NEDD4L: variants seen among roughly 807,000 people sequenced by gnomAD.
The protein encoded by NEDD4L is E3 ubiquitin-protein ligase NEDD4-like.
Under a neutral mutation model 148.9 loss-of-function variants are expected in NEDD4L, and 54 were observed. The observed-to-expected ratio is 0.36, with a 90% CI of 0.29 to 0.45. The LOEUF is 0.45. NEDD4L is among the 20% of genes least tolerant of loss of function. The pLI, the probability that NEDD4L is intolerant of heterozygous loss-of-function variation, is 1.00. For missense variants in NEDD4L, 856 were observed against 1,233.8 expected (o/e 0.69, Z 4.59); for synonymous variants, 433 against 440.7 (o/e 0.98, Z 0.22).
intron 5 of NEDD4L, chr18:58,255,678 G>A (rs969172497): frequency 2.4e-6 from 3 of 1,232,254 alleles, no homozygotes; most frequent in Non-Finnish European, 3.0e-6. Flanking sequence ...GGCTCTGGTC[G>A]CAGCAACACA....
chr18:58,364,586 A>T (rs1032012596), intron 20 of NEDD4L, among the ~76,000 whole-genome samples: 1 of 152,248 alleles, frequency 6.6e-6, no homozygotes, highest in East Asian at 1.9e-4. Flanking sequence ...ACATAAAAAG[A>T]CAGGAATGAT....
intron 2 of NEDD4L, among the ~76,000 whole-genome samples, chr18:58,188,571 C>T (rs1041838400): frequency 2.0e-5 from 3 of 152,198 alleles, no homozygotes; most frequent in Non-Finnish European, 2.9e-5. Flanking sequence ...TCCAGTGTGC[C>T]GTGGGGCACG....
At chr18:58,297,087 A>AAAAT (rs779404285) in intron 5 of NEDD4L, among the ~76,000 whole-genome samples, 2 of 152,180 alleles carry the variant, frequency 1.3e-5, no homozygotes, top group African/African-American at 4.8e-5. Context: ...AGTCTGTCTC[A>AAAAT]AAATAAATAA....
chr18:58,285,674 G>A (rs2053801454), intron 5 of NEDD4L, among the ~76,000 whole-genome samples: 1 of 152,188 alleles, frequency 6.6e-6, no homozygotes, highest in African/African-American at 2.4e-5. Context: ...GGCTGGGTTA[G>A]ATCAGCTCAC....
chr18:58,285,135 C>CT (rs1176495628), intron 5 of NEDD4L, among the ~76,000 whole-genome samples: 1 of 152,194 alleles, frequency 6.6e-6, no homozygotes, highest in Non-Finnish European at 1.5e-5. Context: ...AAGTTACATG[C>CT]TTTTTTTCCC....
At position 58,329,149 on chromosome 18, in the gene NEDD4L, G is replaced by A. The variant is rs201877144; in HGVS notation, c.813+22G>A. On this transcript the variant is annotated intron_variant, in intron 10 of 30. Coordinates refer to ENST00000400345, the MANE Select transcript of NEDD4L (RefSeq NM_001144967.3). ...CGAGGTACGATGTCCCCAGAATGGT[G>A]CAAAGCCCGGCAGCTCCTTCTTCCC... 8.0e-5 allele frequency: 129 copies of A among 1,608,464 alleles called. 1 individual carries two copies. Among genetic ancestry groups the A allele is most frequent in the East Asian group, 6.9e-4 (31 of 44,726 alleles).
chr18:58,136,706 G>T (rs1196779132), intron 1 of NEDD4L, among the ~76,000 whole-genome samples: 1 of 152,188 alleles, frequency 6.6e-6, no homozygotes, highest in Non-Finnish European at 1.5e-5. Context: ...AGCAAGTCAG[G>T]CACTGAGATC....
intron 1 of NEDD4L, among the ~76,000 whole-genome samples, chr18:58,058,871 T>C (rs753406004): frequency 5.9e-5 from 9 of 152,152 alleles, no homozygotes; most frequent in Non-Finnish European, 1.2e-4. Flanking sequence ...TGTGTCTGTC[T>C]CGTATAGATT....
intron 1 of NEDD4L, among the ~76,000 whole-genome samples, chr18:58,078,418 T>C (rs2083279262): frequency 6.6e-6 from 1 of 152,166 alleles, no homozygotes; most frequent in African/African-American, 2.4e-5. Context: ...CAGGTAACTG[T>C]GTCCCAGGCC....
chr18:58,148,873 G>A (rs1017907183), intron 1 of NEDD4L, among the ~76,000 whole-genome samples: 24 of 152,228 alleles, frequency 1.6e-4, no homozygotes, highest in African/African-American at 5.8e-4. Context: ...TAGAAGAAAA[G>A]TGAATCTGTA....
intron 1 of NEDD4L, among the ~76,000 whole-genome samples, chr18:58,126,845 C>A (rs2031195521): frequency 6.6e-6 from 1 of 152,160 alleles, no homozygotes; most frequent in Admixed American, 6.5e-5. Flanking sequence ...GTCTATTGCA[C>A]CCCCCAGGAA....
At chr18:58,105,748 T>A (rs1283639184) in intron 1 of NEDD4L, among the ~76,000 whole-genome samples, 3 of 152,260 alleles carry the variant, frequency 2.0e-5, no homozygotes, top group African/African-American at 7.2e-5. Context: ...TCAAGCCCTC[T>A]GACTACATCT....
Position 58,281,012 on chromosome 18 carries a change from G to C in NEDD4L, c.297+28958G>C, listed in dbSNP as rs62096362. On this transcript the variant is annotated intron_variant, in intron 5 of 30. Coordinates refer to ENST00000400345, the MANE Select transcript of NEDD4L (RefSeq NM_001144967.3). ...TGTTTCCTGAGACAAATCTCACTCT[G>C]TTGCCCAGGCTGGAGTGCAGTGGCA... is the stretch of plus-strand genomic sequence containing the variant. Among the ~76,000 whole-genome samples, 254 of 151,840 alleles carry C rather than the reference G, an allele frequency of 1.7e-3. 2 individuals carry two copies. Among genetic ancestry groups the C allele is most frequent in the Non-Finnish European group, 3.0e-3 (207 of 67,970 alleles).
intron 25 of NEDD4L, among the ~76,000 whole-genome samples, chr18:58,384,472 G>T (rs1485338701): frequency 6.6e-6 from 1 of 152,228 alleles, no homozygotes; most frequent in African/African-American, 2.4e-5. Context: ...CCTTCAGAAA[G>T]TACAGACTGT....
intron 2 of NEDD4L, among the ~76,000 whole-genome samples, chr18:58,186,531 T>G (rs552465489): frequency 1.3e-5 from 2 of 152,212 alleles, no homozygotes; most frequent in Non-Finnish European, 2.9e-5. Context: ...CTATTCTGAT[T>G]GGCATTTTAT....
At chr18:58,195,669 C>G (rs747446163) in intron 2 of NEDD4L, 4 of 1,351,958 alleles carry the variant, frequency 3.0e-6, no homozygotes, top group South Asian at 1.1e-5. Context: ...AACAGACCAT[C>G]TGCATCTAGA....
chr18:58,210,954 C>T (rs942130839), intron 2 of NEDD4L, among the ~76,000 whole-genome samples: 1 of 152,192 alleles, frequency 6.6e-6, no homozygotes, highest in African/African-American at 2.4e-5. Flanking sequence ...TCACTATCAT[C>T]AGTTGTTACA....
chr18:58,054,407 G>A (rs970457146), intron 1 of NEDD4L, among the ~76,000 whole-genome samples: 3 of 152,240 alleles, frequency 2.0e-5, no homozygotes, highest in Admixed American at 1.3e-4. Context: ...GTTTGTTTTG[G>A]GTAGAGGAAG....
intron 2 of NEDD4L, chr18:58,193,886 C>T (rs2040380102): frequency 6.6e-6 from 1 of 152,312 alleles, no homozygotes; most frequent in Non-Finnish European, 1.5e-5. Context: ...CTGGCCTCTT[C>T]CCTGCACTCG....
Sources: gnomAD v4.1 joint callset for allele counts (sites outside exome capture counted in the v4.1 genomes callset) on GRCh38, gnomAD v4.1.1 for gene constraint, MANE v1.5 for transcripts, NCBI Gene and HGNC (gene_info 2026-07-23, HGNC 2026-07-21) for gene names.